Variants in SART3 observed in about 807,000 individuals in gnomAD.
SART3 encodes HIV-1 Tat-interacting protein of 110kDa.
In SART3, 44 loss-of-function variants were observed where a neutral mutation model predicts 122.3. That is an observed-to-expected ratio of 0.36 (90% CI 0.28 to 0.46). The LOEUF is 0.46. SART3 is among the 20% of genes least tolerant of loss of function. The pLI is 1.00. For synonymous variants in SART3, 442 were observed against 454.0 expected (o/e 0.97, Z 0.34); for missense variants, 1,101 against 1,229.0 (o/e 0.90, Z 1.56).
In SART3 at chr12:108,524,466, G is replaced by A. The variant is rs146354825; in HGVS notation, c.2564C>T (p.Ser855Leu). ...YVEYENESQA[S>L]QAVMKMDGMT... ...GCCGTCCATCTTCATCACAGCCTGC[G>A]ACGCCTGGGATTCATTTTCATACTC... Residue 855 changes from serine to leucine, a missense_variant, in exon 18 of 19, where the codon TCG becomes TTG. This residue lies in a region of SART3 where 885 missense variants were observed against 1,080.1 expected (regional missense o/e 0.82). Transcript: ENST00000546815. 187 of 1,613,980 alleles carry A rather than the reference G, an allele frequency of 1.2e-4. No homozygotes were observed. Among genetic ancestry groups the A allele is most frequent in the Middle Eastern group, 1.6e-4 (1 of 6,084 alleles).
chr12:108,535,515 C>T lies in SART3; in HGVS notation c.1447-47G>A, dbSNP rs73402763. Reference sequence around the variant, plus strand: ...TTAGGAGACCTGAACCTTATGACGTCGACACCCATCATACAACACACTTCC... The same window carrying T: ...TTAGGAGACCTGAACCTTATGACGTTGACACCCATCATACAACACACTTCC... On this transcript the variant is annotated intron_variant, in intron 11 of 18. Transcript: ENST00000546815. The T allele has an allele frequency of 5.1e-3, 7,260 of 1,425,456 alleles. 264 individuals carry two copies. The African/African-American group carries it at 0.088, about 17-fold the overall frequency. The allele number at this position is 1,425,456 out of a possible 1,614,324, so 88.3% of individuals were successfully genotyped here. A position where few individuals can be genotyped will look rare whatever the true frequency, so the allele number is the denominator to read the frequency against.
rs201719343 is a variant in SART3 at position 108,539,016 on chromosome 12, G to T, written c.980C>A (p.Ala327Asp). 1 of 1,614,232 alleles carries T rather than the reference G, an allele frequency of 6.2e-7. No homozygotes were observed. The highest frequency in any genetic ancestry group is 2.2e-5 in the East Asian group (1 of 44,892). The change falls in exon 7 of 19, where the codon GCT becomes GAT. Residue 327 changes from alanine (A) to aspartate (D), a missense_variant. By Grantham distance (126) the Ala-to-Asp change is moderately radical. Coordinates refer to ENST00000546815, the MANE Select transcript of SART3 (RefSeq NM_014706.4). ...IDFEMKIGDP[A>D]RIQLIFERAL... ...GCGCTCAAAGATCAACTGAATGCGA[G>T]CAGGATCGCCAATTTTCATCTCAAA...
intron 6 of SART3, among the ~76,000 whole-genome samples, chr12:108,541,141 T>G (rs1873138775): frequency 6.6e-6 from 1 of 152,304 alleles, no homozygotes; most frequent in South Asian, 2.1e-4. Flanking sequence ...TTGCAGTGAC[T>G]CACGCCTGTA....
At chr12:108,555,055 A>G (rs1041751458) in intron 1 of SART3, among the ~76,000 whole-genome samples, 1 of 152,182 alleles carries the variant, frequency 6.6e-6, no homozygotes, top group Non-Finnish European at 1.5e-5. Flanking sequence ...TTATCAGGGG[A>G]TTGGGAAGGA....
chr12:108,548,276 G>A (rs1427738910), intron 2 of SART3, among the ~76,000 whole-genome samples: 1 of 152,242 alleles, frequency 6.6e-6, no homozygotes, highest in African/African-American at 2.4e-5. Context: ...GTTGGTGATA[G>A]TAACACTAAT....
chr12:108,532,119 A>C lies in SART3; in HGVS notation c.1669+103T>G. Reference sequence around the variant, plus strand: ...ATCATAGGGCACCACCTAAGGTGGCAGCATAAACACAGTCTGTCCCCAGAC... The same window carrying C: ...ATCATAGGGCACCACCTAAGGTGGCCGCATAAACACAGTCTGTCCCCAGAC... On this transcript the variant is annotated intron_variant, in intron 13 of 18. Transcript: ENST00000546815. The C allele has an allele frequency of 4.3e-6, 4 of 938,640 alleles. No individual in the cohort carries two copies. The South Asian group carries it at 5.4e-5, about 13-fold the overall frequency. The allele number at this position is 938,640 out of a possible 1,614,324, so 58.1% of individuals were successfully genotyped here. A position where few individuals can be genotyped will look rare whatever the true frequency, so the allele number is the denominator to read the frequency against.
chr12:108,540,061 A>G (rs1176436333), intron 6 of SART3, among the ~76,000 whole-genome samples: 1 of 152,214 alleles, frequency 6.6e-6, no homozygotes, highest in African/African-American at 2.4e-5. Context: ...AAGATAGAAA[A>G]AAAGAGTCAA....
chr12:108,547,860 A>G, intron 3 of SART3, 27 bp downstream of exon 3: 4 of 1,545,140 alleles, frequency 2.6e-6, no homozygotes, highest in Non-Finnish European at 3.6e-6. Context: ...ATTGCCAGAT[A>G]TCCAAAAAAA....
At chr12:108,537,377 T>C (rs1872958293) in intron 9 of SART3, 111 bp downstream of exon 9, 1 of 787,478 alleles carries the variant, frequency 1.3e-6, no homozygotes, top group African/African-American at 1.7e-5. Context: ...CACCAATACC[T>C]AGTCTACATC....
Position 108,523,555 on chromosome 12 carries a change from T to C in SART3, c.2794A>G (p.Asn932Asp). The C allele has an allele frequency of 1.2e-6, 2 of 1,614,028 alleles. No homozygotes were observed. The highest frequency in any genetic ancestry group is 1.7e-6 in the Non-Finnish European group (2 of 1,180,002). Residue 932 changes from asparagine to aspartate, a missense_variant, in exon 19 of 19, where the codon AAC becomes GAC. Coordinates refer to ENST00000546815, the MANE Select transcript of SART3 (RefSeq NM_014706.4). The part of the protein sequence containing the change: ...RPSAAAPQAE[N>D]GPAAAPAVAA... ...ACTGCAGGAGCCGCGGCAGGGCCGT[T>C]CTCAGCCTGAGGAGCTGCAGCACTT...
intron 12 of SART3, 111 bp downstream of exon 12, chr12:108,535,248 A>G: frequency 1.2e-6 from 1 of 833,450 alleles, no homozygotes; most frequent in Non-Finnish European, 2.1e-6. Context: ...AGAATGAAAG[A>G]AAACAGCCCA....
intron 14 of SART3, among the ~76,000 whole-genome samples, chr12:108,530,514 T>G (rs1824748974): frequency 6.6e-6 from 1 of 152,098 alleles, no homozygotes; most frequent in Non-Finnish European, 1.5e-5. Context: ...TCTGTTACAT[T>G]AGCAATTTCC....
At chr12:108,536,923 T>A (rs1181244346) in intron 9 of SART3, 138 bp from the exon 10 acceptor site, 6 of 770,796 alleles carry the variant, frequency 7.8e-6, no homozygotes, top group Admixed American at 2.0e-5. Context: ...AAATTGCCAA[T>A]TCCTGCCCTC....
intron 3 of SART3, among the ~76,000 whole-genome samples, chr12:108,546,582 A>G (rs1466470049): frequency 4.0e-5 from 6 of 150,332 alleles, no homozygotes; most frequent in Admixed American, 1.3e-4. Context: ...GTACAGTGGC[A>G]CAATCTCGGC....
rs1400975873 is a variant in SART3, at chr12:108,537,403, A to T, written c.1309+85T>A. On this transcript the variant is annotated intron_variant, in intron 9 of 18. Transcript: ENST00000546815. ...AGTCTACATCATTTGCCCAATCACA[A>T]TGTATCTGGGGAACTGGGACATCTC... 3.0e-6 allele frequency: 3 copies of T among 995,230 alleles called. No individual in the cohort carries two copies. In the African/African-American group the frequency reaches 4.8e-5, roughly 16 times the overall value. The allele number at this position is 995,230 out of a possible 1,614,324, so 61.6% of individuals were successfully genotyped here.
chr12:108,526,547 G>A lies in SART3; in HGVS notation c.1922C>T (p.Pro641Leu), dbSNP rs1334049266. 1 of 1,613,660 alleles carries A rather than the reference G, an allele frequency of 6.2e-7. No homozygotes were observed. Among genetic ancestry groups the A allele is most frequent in the African/African-American group, 1.3e-5 (1 of 74,926 alleles). ...GTTCTCGACCCTTCTGCGTTTGGAA[G>A]GCTGCTCTACAGGTTTTCAAAAGAA... ...KEWGDDEEEQPSKRRRVENSI... is the reference protein window; with the variant it reads ...KEWGDDEEEQLSKRRRVENSI... Residue 641 changes from proline (P) to leucine (L), a missense_variant, in exon 16 of 19, where the codon CCT becomes CTT. Around this residue, in one of 2 missense-constraint regions of SART3, gnomAD observed 885 missense variants for 1,080.1 expected, o/e 0.82. Coordinates refer to ENST00000546815, the MANE Select transcript of SART3 (RefSeq NM_014706.4).
intron 6 of SART3, 22 bp from the exon 7 acceptor site, chr12:108,539,111 T>G (rs199978943): frequency 6.2e-7 from 1 of 1,613,748 alleles, no homozygotes; most frequent in African/African-American, 1.3e-5. Flanking sequence ...GAAAATTGTA[T>G]TGAATTTAGT....
chr12:108,543,128 T>A lies in SART3; in HGVS notation c.806A>T (p.Tyr269Phe). The change falls in exon 6 of 19, where the codon TAT becomes TTT. Residue 269 changes from tyrosine (Y) to phenylalanine (F), a missense_variant. Tyr to Phe is a conservative substitution (Grantham distance 22). This residue lies in a region of SART3 where 885 missense variants were observed against 1,080.1 expected (regional missense o/e 0.82). Transcript: ENST00000546815. ...TATTGGGTCTTCTGACCATTCTTCA[T>A]ACTCTGCAAATGTGGCCTCCATATC... ...LYDMEATFAE[Y>F]EEWSEDPIPE... The A allele has an allele frequency of 6.2e-7, 1 of 1,614,236 alleles. No homozygotes were observed. Among genetic ancestry groups the A allele is most frequent in the Non-Finnish European group, 8.5e-7 (1 of 1,180,046 alleles).
intron 3 of SART3, among the ~76,000 whole-genome samples, chr12:108,545,876 G>A (rs558590224): frequency 3.4e-5 from 5 of 147,362 alleles, no homozygotes; most frequent in Non-Finnish European, 5.9e-5. Flanking sequence ...TGAGGCAGGA[G>A]AATCGCTTGA....
Sources: gnomAD v4.1 joint callset for allele counts (sites outside exome capture counted in the v4.1 genomes callset) on GRCh38, gnomAD v4.1.1 for gene constraint, gnomAD v4.1.1 regional missense constraint, MANE v1.5 for transcripts, NCBI Gene and HGNC (gene_info 2026-07-23, HGNC 2026-07-21) for gene names.